RYR3: variants seen among roughly 807,000 people sequenced by gnomAD.
The protein encoded by RYR3 is brain ryanodine receptor-calcium release channel.
RYR3 carries 207 observed loss-of-function variants against 584.3 expected under a neutral mutation model. That is an observed-to-expected ratio of 0.35 (90% CI 0.32 to 0.40). RYR3 has a LOEUF of 0.40. Among genes scored for constraint, RYR3 ranks in the 10% least tolerant of loss-of-function variants. The pLI is 1.00. For missense variants in RYR3, 5,616 were observed against 6,089.2 expected, an observed-to-expected ratio of 0.92 and a Z score of 2.59; for synonymous variants, 2,416 against 2,248.5, an observed-to-expected ratio of 1.07 and a Z score of -2.11.
rs111268941 is a variant in RYR3 at position 33,451,195 on chromosome 15, T to C, written c.52-22224T>C. On this transcript the variant is annotated intron_variant, in intron 1 of 103. Transcript: ENST00000634891. ...TATAAAGTGCCTGGCACAGAGCTGG[T>C]ACATAACAGGCACTCCATAAATGGT... 1.9e-3 allele frequency among the ~76,000 whole-genome samples: 283 copies of C among 152,324 alleles called. 1 individual carries two copies. The highest frequency in any genetic ancestry group is 6.3e-3 in the African/African-American group (263 of 41,576).
chr15:33,622,336 G>A (rs904454633), intron 19 of RYR3, among the ~76,000 whole-genome samples: 10 of 152,058 alleles, frequency 6.6e-5, no homozygotes, highest in South Asian at 4.2e-4. Flanking sequence ...GAGCCTTTGC[G>A]CTTGTTCCTC....
At position 33,662,120 on chromosome 15, in the gene RYR3, C is replaced by G. The variant is rs377608955; in HGVS notation, c.4623-33C>G. On this transcript the variant is annotated intron_variant, in intron 34 of 103. Coordinates refer to ENST00000634891, the MANE Select transcript of RYR3 (RefSeq NM_001036.6). ...CTGGATTCTGGTGGGTTCTTCTCCCCCTGGTGTGGCTGATTGCTCGTCCTG... is the reference window on the plus strand; with the variant it reads ...CTGGATTCTGGTGGGTTCTTCTCCCGCTGGTGTGGCTGATTGCTCGTCCTG... 7.2e-4 allele frequency: 1,094 copies of G among 1,519,722 alleles called. 21 individuals carry two copies. The South Asian group carries it at 0.013, about 19-fold the overall frequency. The allele number at this position is 1,519,722 out of a possible 1,614,324, so 94.1% of individuals were successfully genotyped here.
chr15:33,606,794 A>G (rs913737705), intron 18 of RYR3, among the ~76,000 whole-genome samples: 1 of 152,204 alleles, frequency 6.6e-6, no homozygotes, highest in African/African-American at 2.4e-5. Flanking sequence ...GGGAAGTTTC[A>G]TAGGAGGAAT....
chr15:33,620,548 T>C (rs2060675631), intron 19 of RYR3, among the ~76,000 whole-genome samples: 1 of 152,190 alleles, frequency 6.6e-6, no homozygotes. Flanking sequence ...CAACCAAAAC[T>C]CTGAGACAGA....
At chr15:33,833,253 G>T (rs1293108315) in intron 86 of RYR3, among the ~76,000 whole-genome samples, 1 of 152,118 alleles carries the variant, frequency 6.6e-6, no homozygotes, top group Non-Finnish European at 1.5e-5. Flanking sequence ...CTTTCCCAAA[G>T]AACTTTTTAT....
intron 2 of RYR3, among the ~76,000 whole-genome samples, chr15:33,495,728 C>T (rs970612543): frequency 1.3e-5 from 2 of 152,058 alleles, no homozygotes; most frequent in Admixed American, 6.5e-5. Flanking sequence ...AAACATTCAC[C>T]GTGTAACTTT....
intron 12 of RYR3, among the ~76,000 whole-genome samples, chr15:33,569,855 C>CATTTTGTCA (rs1555532413): frequency 6.6e-6 from 1 of 151,438 alleles, no homozygotes; most frequent in Non-Finnish European, 1.5e-5. Context: ...TGATACTGGA[C>CATTTTGTCA]ATTTTATCAT....
At chr15:33,760,745 C>T (rs759947320) in intron 60 of RYR3, among the ~76,000 whole-genome samples, 4 of 152,090 alleles carry the variant, frequency 2.6e-5, no homozygotes, top group Non-Finnish European at 2.9e-5. Context: ...CTGGATCAAG[C>T]GGACTTAATA....
rs1290375320 is a variant in RYR3 at position 33,749,983 on chromosome 15, T to G, written c.8204T>G (p.Met2735Arg). The G allele has an allele frequency of 6.2e-7, 1 of 1,611,876 alleles. No individual in the cohort carries two copies. The part of the protein sequence containing the change: ...NVVLSRELQG[M>R]VEVVAENYHN... Reference sequence around the variant, plus strand: ...GCTCTTCTTGGTGGGACACAGGGAATGGTGGAGGTCGTGGCTGAGAACTAT... The same window carrying G: ...GCTCTTCTTGGTGGGACACAGGGAAGGGTGGAGGTCGTGGCTGAGAACTAT... Residue 2735 changes from methionine (M) to arginine (R), a missense_variant, in exon 56 of 104, where the codon ATG becomes AGG. Around this residue, in one of 9 missense-constraint regions of RYR3, gnomAD observed 1,280 missense variants for 1,426.2 expected, o/e 0.90. Transcript: ENST00000634891.
chr15:33,736,992 T>C (rs1207466264), intron 49 of RYR3, among the ~76,000 whole-genome samples: 2 of 152,214 alleles, frequency 1.3e-5, no homozygotes, highest in Admixed American at 6.5e-5. Context: ...ACTCCTGACC[T>C]CAAGTGATCT....
At chr15:33,705,466 G>A (rs1459040451) in intron 42 of RYR3, among the ~76,000 whole-genome samples, 1 of 152,154 alleles carries the variant, frequency 6.6e-6, no homozygotes, top group African/African-American at 2.4e-5. Context: ...CTGACTTTGA[G>A]GATTTTGGAG....
intron 12 of RYR3, among the ~76,000 whole-genome samples, chr15:33,569,685 G>A (rs957533108): frequency 2.6e-5 from 4 of 152,066 alleles, no homozygotes; most frequent in Non-Finnish European, 5.9e-5. Context: ...TTCCAAAGTG[G>A]ATGTAACATT....
chr15:33,690,709 C>G (rs2065357218), intron 38 of RYR3, among the ~76,000 whole-genome samples: 1 of 152,172 alleles, frequency 6.6e-6, no homozygotes, highest in Admixed American at 6.5e-5. Context: ...TTATATAGAT[C>G]CGTGGTTCTC....
In RYR3 at chr15:33,792,746, T is replaced by C. The variant is rs2075238338; in HGVS notation, c.9830+4288T>C. On this transcript the variant is annotated intron_variant, in intron 67 of 103. Coordinates refer to ENST00000634891, the MANE Select transcript of RYR3 (RefSeq NM_001036.6). ...GTCTATAAAATCATAAAGCTATTGA[T>C]AGGGTGAACACAGACATTTTCATTG... is the stretch of plus-strand genomic sequence containing the variant. Among the ~76,000 whole-genome samples, 3 of 152,314 alleles carry C rather than the reference T, an allele frequency of 2.0e-5. No homozygotes were observed. The South Asian group carries it at 6.2e-4, about 32-fold the overall frequency.
At chr15:33,803,345 A>G (rs191892600) in intron 69 of RYR3, among the ~76,000 whole-genome samples, 203 of 152,334 alleles carry the variant, frequency 1.3e-3, no homozygotes, top group Middle Eastern at 6.8e-3. Context: ...TTTGGTAAAC[A>G]CATCTACTGT....
intron 91 of RYR3, 132 bp downstream of exon 91, chr15:33,842,167 C>T (rs1348946932): frequency 1.9e-6 from 2 of 1,028,184 alleles, no homozygotes; most frequent in Non-Finnish European, 2.8e-6. Context: ...AAACTTTCTT[C>T]TTCCCATGTG....
chr15:33,796,448 G>GA (rs1328022820), intron 67 of RYR3, among the ~76,000 whole-genome samples: 1 of 152,052 alleles, frequency 6.6e-6, no homozygotes, highest in Admixed American at 6.6e-5. Flanking sequence ...TTGTCTTTTT[G>GA]AAAATGGAAG....
intron 14 of RYR3, among the ~76,000 whole-genome samples, chr15:33,582,167 G>A (rs1445021795): frequency 6.6e-6 from 1 of 152,140 alleles, no homozygotes; most frequent in Non-Finnish European, 1.5e-5. Flanking sequence ...GTGAAGTTCT[G>A]ATGCCTGCTA....
At chr15:33,554,161 C>G (rs1291488638) in intron 10 of RYR3, among the ~76,000 whole-genome samples, 1 of 152,134 alleles carries the variant, frequency 6.6e-6, no homozygotes, top group African/African-American at 2.4e-5. Flanking sequence ...ACCACACATA[C>G]CCCACCCTGC....
Sources: allele counts gnomAD v4.1 joint callset (sites outside exome capture counted in the v4.1 genomes callset), GRCh38; gene constraint gnomAD v4.1.1; regional missense constraint gnomAD v4.1.1; transcripts MANE v1.5; gene names NCBI Gene and HGNC (gene_info 2026-07-23, HGNC 2026-07-21).